The following ERICH6B variants were observed in gnomAD, a reference collection of about 807,000 sequenced individuals.
ERICH6B encodes glutamate rich 6B, also known as glutamate-rich protein 6B.
ERICH6B carries 69 observed loss-of-function variants against 80.0 expected under a neutral mutation model. The ratio of observed to expected loss-of-function variants is 0.86; its 90% CI spans 0.71 to 1.05. The LOEUF (loss-of-function observed/expected upper bound fraction) is 1.05, where lower values mean the gene tolerates loss of function less well. ERICH6B is among the 50% of genes least tolerant of loss of function. The probability of loss-of-function intolerance (pLI) is 0.00; values close to 1 mark genes in which losing one functional copy is unlikely to be tolerated. For synonymous variants in ERICH6B, 283 were observed against 291.9 expected, an observed-to-expected ratio of 0.97 and a Z score of 0.31; for missense variants, 754 against 796.1, an observed-to-expected ratio of 0.95 and a Z score of 0.64.
At chr13:45,546,565 A>C (rs1293373677) in intron 13 of ERICH6B, among the ~76,000 whole-genome samples, 1 of 152,162 alleles carries the variant, frequency 6.6e-6, no homozygotes, top group Non-Finnish European at 1.5e-5. Context: ...CATTCCTTCC[A>C]GGGCACGTGT....
At chr13:45,583,418 C>T (rs1326968713) in intron 5 of ERICH6B, among the ~76,000 whole-genome samples, 1 of 152,182 alleles carries the variant, frequency 6.6e-6, no homozygotes, top group Admixed American at 6.6e-5. Context: ...AGTTCACAGC[C>T]ATTTTCCTAC....
chr13:45,544,414 G>T (rs1873909045), intron 14 of ERICH6B, among the ~76,000 whole-genome samples: 1 of 152,106 alleles, frequency 6.6e-6, no homozygotes, highest in Non-Finnish European at 1.5e-5. Context: ...TGGAGAAGGG[G>T]TCTTGCTATG....
At chr13:45,608,704 T>G (rs1949883110) in intron 1 of ERICH6B, among the ~76,000 whole-genome samples, 1 of 152,230 alleles carries the variant, frequency 6.6e-6, no homozygotes, top group Admixed American at 6.5e-5. Context: ...AAAAGCATTA[T>G]TTTTTCCTTC....
intron 2 of ERICH6B, among the ~76,000 whole-genome samples, chr13:45,599,313 A>G (rs1949811025): frequency 6.6e-6 from 1 of 152,198 alleles, no homozygotes; most frequent in Admixed American, 6.5e-5. Context: ...GGTAGCAGTA[A>G]AGGGGGAGCC....
At chr13:45,613,852 T>C (rs973438290) in intron 1 of ERICH6B, among the ~76,000 whole-genome samples, 26 of 152,260 alleles carry the variant, frequency 1.7e-4, no homozygotes, top group African/African-American at 6.0e-4. Flanking sequence ...ACAACACAAG[T>C]GAAGAGGCCG....
intron 3 of ERICH6B, among the ~76,000 whole-genome samples, chr13:45,594,048 G>C (rs568068645): frequency 6.6e-6 from 1 of 152,208 alleles, no homozygotes; most frequent in Non-Finnish European, 1.5e-5. Context: ...GGTGAGGAAG[G>C]CACTCTTGTT....
chr13:45,586,418 G>A (rs564789824), intron 5 of ERICH6B, among the ~76,000 whole-genome samples: 2 of 152,140 alleles, frequency 1.3e-5, no homozygotes, highest in African/African-American at 4.8e-5. Flanking sequence ...ATTAATAACG[G>A]CAAGAAATGC....
At chr13:45,584,590 T>G (rs1214841299) in intron 5 of ERICH6B, among the ~76,000 whole-genome samples, 1 of 152,222 alleles carries the variant, frequency 6.6e-6, no homozygotes, top group Non-Finnish European at 1.5e-5. Context: ...TGGTTAAGAA[T>G]GCAGATTCCA....
At chr13:45,583,777 G>A (rs926967883) in intron 5 of ERICH6B, among the ~76,000 whole-genome samples, 19 of 152,162 alleles carry the variant, frequency 1.2e-4, no homozygotes, top group African/African-American at 4.1e-4. Context: ...CATGTAAGAT[G>A]TGCCTTTCCC....
chr13:45,599,250 AC>A (rs1949809671), intron 2 of ERICH6B, among the ~76,000 whole-genome samples: 1 of 152,160 alleles, frequency 6.6e-6, no homozygotes, highest in Non-Finnish European at 1.5e-5. Context: ...GTAGGGAGTA[AC>A]CGGATCTGCC....
At position 45,544,760 on chromosome 13, in the gene ERICH6B, C is replaced by A; in HGVS notation, c.1872G>T (p.Lys624Asn). The change falls in exon 14 of 15, where the codon AAG becomes AAT. Residue 624 changes from lysine to asparagine, a missense_variant and splice_region_variant. Transcript: ENST00000298738. ...QICLNLGTRYKFVIPEVLSEM... is the reference protein window; with the variant it reads ...QICLNLGTRYNFVIPEVLSEM... ...AGGGTATGGGGAGTTGTGACCTTAC[C>A]TTGTACCTGGTGCCCAGGTTTAAAC... is the stretch of plus-strand genomic sequence containing the variant. 6.4e-7 allele frequency: 1 copy of A among 1,551,502 alleles called. No homozygotes were observed. Among genetic ancestry groups the A allele is most frequent in the Non-Finnish European group, 8.7e-7 (1 of 1,146,860 alleles).
chr13:45,541,631 T>C lies in ERICH6B; in HGVS notation c.1922A>G (p.Glu641Gly). 1 of 1,551,404 alleles carries C rather than the reference T, an allele frequency of 6.4e-7. No homozygotes were observed. The highest frequency in any genetic ancestry group is 8.7e-7 in the Non-Finnish European group (1 of 1,147,000). Reference protein sequence around the residue: ...LSEMKKKTILEAEPGPTAQKI... With the variant: ...LSEMKKKTILGAEPGPTAQKI... ...CTGGGCTGTTGGGCCGGGTTCTGCC[T>C]CCAGGATGGTTTTCTTCTTCATTTC... Residue 641 changes from glutamate (E) to glycine (G), a missense_variant, in exon 15 of 15, where the codon GAG (glutamate) becomes GGG (glycine). Coordinates refer to ENST00000298738, the MANE Select transcript of ERICH6B (RefSeq NM_182542.3).
intron 3 of ERICH6B, among the ~76,000 whole-genome samples, chr13:45,591,139 A>AT (rs1186072903): frequency 1.3e-5 from 2 of 152,230 alleles, no homozygotes; most frequent in Admixed American, 6.5e-5. Flanking sequence ...TAGACTTGGG[A>AT]TAAATTATGC....
At chr13:45,567,718 C>A (rs1316603581) in intron 9 of ERICH6B, among the ~76,000 whole-genome samples, 1 of 152,234 alleles carries the variant, frequency 6.6e-6, no homozygotes, top group Admixed American at 6.5e-5. Context: ...ATACAGTGTA[C>A]AAATGGCTGG....
chr13:45,574,738 G>T, intron 8 of ERICH6B, 104 bp downstream of exon 8: 1 of 827,558 alleles, frequency 1.2e-6, no homozygotes. Flanking sequence ...GAAAACCCAG[G>T]TCCTCAGAAC....
At chr13:45,590,357 G>A (rs542258741) in intron 4 of ERICH6B, among the ~76,000 whole-genome samples, 38 of 152,178 alleles carry the variant, frequency 2.5e-4, no homozygotes, top group African/African-American at 8.9e-4. Context: ...CTGCTTGCGA[G>A]CCCTTTGCAG....
In ERICH6B at chr13:45,550,026, C is replaced by T; in HGVS notation, c.1513G>A (p.Ala505Thr). Residue 505 changes from alanine (A) to threonine (T), a missense_variant, in exon 13 of 15, where the codon GCT (alanine) becomes ACT (threonine). Physicochemically the swap from Ala to Thr is moderately conservative, Grantham distance 58 (BLOSUM62 0). Transcript: ENST00000298738. ...GQIHYPSGNL[A>T]MLILYAKMKK... ...ATTTTCGCATATAAGATGAGCATAG[C>T]CAGGTTTCCTGATGGATAACTGGGA... 1 of 1,551,798 alleles carries T rather than the reference C, an allele frequency of 6.4e-7. No individual in the cohort carries two copies. Among genetic ancestry groups the T allele is most frequent in the Non-Finnish European group, 8.7e-7 (1 of 1,147,058 alleles).
intron 13 of ERICH6B, among the ~76,000 whole-genome samples, chr13:45,549,283 A>C (rs1447914521): frequency 1.4e-5 from 2 of 145,348 alleles, no homozygotes; most frequent in African/African-American, 5.0e-5. Context: ...ACTCCGTCAC[A>C]AAAAAAAAAA....
rs1346600162 is a variant in ERICH6B, at chr13:45,609,829, C to T, written c.-110-2214G>A. 9.8e-5 allele frequency among the ~76,000 whole-genome samples: 15 copies of T among 152,300 alleles called. 1 individual carries two copies. In the South Asian group the frequency reaches 1.7e-3, roughly 17 times the overall value. ...AAACTGCATCATTAGGCAATTTTGC[C>T]ATTGTGTTGAAACCACCTTTGCAAA... On this transcript the variant is annotated intron_variant, in intron 1 of 14. Coordinates refer to ENST00000298738, the MANE Select transcript of ERICH6B (RefSeq NM_182542.3).
Sources: allele counts gnomAD v4.1 joint callset (sites outside exome capture counted in the v4.1 genomes callset), GRCh38; gene constraint gnomAD v4.1.1; transcripts MANE v1.5; gene names NCBI Gene and HGNC (gene_info 2026-07-23, HGNC 2026-07-21).